The following PIK3CG variants were observed in gnomAD, a reference collection of about 807,000 sequenced individuals.
PIK3CG encodes the protein phosphatidylinositol 4,5-bisphosphate 3-kinase catalytic subunit gamma isoform.
PIK3CG carries 55 observed loss-of-function variants against 102.3 expected under a neutral mutation model. The observed-to-expected ratio is 0.54, with a 90% CI of 0.43 to 0.67. The LOEUF (loss-of-function observed/expected upper bound fraction) is 0.67, where lower values mean the gene tolerates loss of function less well. Ranked by LOEUF, PIK3CG falls within the 30% of genes least tolerant of loss-of-function variation. PIK3CG has a pLI of 0.00. For synonymous variants in PIK3CG, 552 were observed against 540.0 expected, an observed-to-expected ratio of 1.02 and a Z score of -0.31; for missense variants, 1,258 against 1,391.8, an observed-to-expected ratio of 0.90 and a Z score of 1.53.
intron 6 of PIK3CG, among the ~76,000 whole-genome samples, chr7:106,881,584 C>T (rs1361727095): frequency 1.3e-5 from 2 of 152,094 alleles, no homozygotes; most frequent in African/African-American, 2.4e-5. Context: ...TGGTGGCTCA[C>T]GCCTGTAATC....
intron 2 of PIK3CG, among the ~76,000 whole-genome samples, chr7:106,871,275 G>C (rs1467396430): frequency 6.6e-6 from 1 of 152,176 alleles, no homozygotes; most frequent in Non-Finnish European, 1.5e-5. Flanking sequence ...CTCACATCTG[G>C]CTTAGAAACT....
In PIK3CG at chr7:106,905,258, T is replaced by C; in HGVS notation, c.3180T>C (p.Asn1060=). 6.2e-7 allele frequency: 1 copy of C among 1,613,788 alleles called. No individual in the cohort carries two copies. The highest frequency in any genetic ancestry group is 1.7e-5 in the Admixed American group (1 of 59,992). Residue 1060 remains asparagine (N), a synonymous_variant, in exon 11 of 11, where the codon AAT becomes AAC. Coordinates refer to ENST00000496166, the MANE Select transcript of PIK3CG (RefSeq NM_001282426.2). The surrounding 1 kb of genome is among the most constrained non-coding windows in gnomAD (Gnocchi z 5.6). ...GGGATGCCCTCACAGTGGGGAAAAATGAGGAGGATGCTAAAAAGTATTTTC... is the reference window on the plus strand; with the variant it reads ...GGGATGCCCTCACAGTGGGGAAAAACGAGGAGGATGCTAAAAAGTATTTTC... The part of the protein sequence containing the change: ...YIRDALTVGK[N]EEDAKKYFLD...
rs1790461898 is a variant in PIK3CG at position 106,869,617 on chromosome 7, C to A, written c.1995+61C>A. 7.5e-7 allele frequency: 1 copy of A among 1,340,654 alleles called. No individual in the cohort carries two copies. Among genetic ancestry groups the A allele is most frequent in the Non-Finnish European group, 1.0e-6 (1 of 982,004 alleles). The allele number at this position is 1,340,654 out of a possible 1,614,324, so 83.0% of individuals were successfully genotyped here. On this transcript the variant is annotated intron_variant, in intron 2 of 10. Coordinates refer to ENST00000496166, the MANE Select transcript of PIK3CG (RefSeq NM_001282426.2). This position sits in a 1 kb window ranked among gnomAD's most constrained non-coding sequence, Gnocchi z 5.3. Reference sequence around the variant, plus strand: ...CAAAAGGAATTGATTTGCATATGCACAGGCACTCCATTCAGTTGTCATCAA... The same window carrying A: ...CAAAAGGAATTGATTTGCATATGCAAAGGCACTCCATTCAGTTGTCATCAA...
intron 10 of PIK3CG, among the ~76,000 whole-genome samples, chr7:106,887,447 C>T (rs1584338493): frequency 6.6e-6 from 1 of 152,160 alleles, no homozygotes; most frequent in East Asian, 1.9e-4. Flanking sequence ...GACGACATGA[C>T]CCTTGAAGTT....
rs1240592723 is a variant in PIK3CG at position 106,899,171 on chromosome 7, G to A, written c.3031-5938G>A. On this transcript the variant is annotated intron_variant, in intron 10 of 10. Coordinates refer to ENST00000496166, the MANE Select transcript of PIK3CG (RefSeq NM_001282426.2). The surrounding 1 kb of genome is among the most constrained non-coding windows in gnomAD (Gnocchi z 4.6). ...TTCTGATTTGGCTCTTGGTTTGGCT[G>A]TTGTTGGTGTATAGGAATGCGTGAT... Among the ~76,000 whole-genome samples, 2 of 152,236 alleles carry A rather than the reference G, an allele frequency of 1.3e-5. No homozygotes were observed. The highest frequency in any genetic ancestry group is 6.5e-5 in the Admixed American group (1 of 15,298).
At chr7:106,866,679 C>A (rs1701930655) in intron 1 of PIK3CG, among the ~76,000 whole-genome samples, 1 of 152,084 alleles carries the variant, frequency 6.6e-6, no homozygotes, top group South Asian at 2.1e-4. Context: ...GAGAGTACAG[C>A]CTTGGGTGAC....
chr7:106,876,396 CT>C (rs201148654), intron 5 of PIK3CG, among the ~76,000 whole-genome samples: 106 of 142,800 alleles, frequency 7.4e-4, no homozygotes, highest in Middle Eastern at 3.6e-3. Context: ...GGGTTGCCTT[CT>C]TTTTTTTTTT....
chr7:106,884,009 A>G lies in PIK3CG; in HGVS notation c.2761-146A>G. ...AGAGCAATGAGAAAGTTGGCAATTC[A>G]TAGATATAATGCTAATGAAATCAGG... On this transcript the variant is annotated intron_variant, in intron 8 of 10. Transcript: ENST00000496166. The surrounding 1 kb of genome is among the most constrained non-coding windows in gnomAD (Gnocchi z 4.2). 1 of 624,422 alleles carries G rather than the reference A, an allele frequency of 1.6e-6. No homozygotes were observed. Among genetic ancestry groups the G allele is most frequent in the Admixed American group, 2.8e-5 (1 of 36,098 alleles). The allele number at this position is 624,422 out of a possible 1,614,324, so 38.7% of individuals were successfully genotyped here. A position where few individuals can be genotyped will look rare whatever the true frequency, so the allele number is the denominator to read the frequency against.
chr7:106,889,678 G>A (rs1193875826), intron 10 of PIK3CG, among the ~76,000 whole-genome samples: 3 of 152,198 alleles, frequency 2.0e-5, no homozygotes, highest in African/African-American at 7.2e-5. Flanking sequence ...TAAGGGTGGG[G>A]TGAGCCTGGT....
chr7:106,881,189 G>T (rs555487838), intron 6 of PIK3CG, among the ~76,000 whole-genome samples: 1 of 152,262 alleles, frequency 6.6e-6, no homozygotes, highest in African/African-American at 2.4e-5. Context: ...GCACGAGCCA[G>T]TTAATCGCCA....
In PIK3CG at chr7:106,903,416, T is replaced by G. The variant is rs1465740393; in HGVS notation, c.3031-1693T>G. 1.3e-5 allele frequency among the ~76,000 whole-genome samples: 2 copies of G among 151,978 alleles called. No homozygotes were observed. The highest frequency in any genetic ancestry group is 2.9e-5 in the Non-Finnish European group (2 of 67,968). ...TATAAGCAGTCTTGTCACTGAGGGA[T>G]GTTCAAAAACTGACTCATTGCTCTT... is the stretch of plus-strand genomic sequence containing the variant. On this transcript the variant is annotated intron_variant, in intron 10 of 10. Coordinates refer to ENST00000496166, the MANE Select transcript of PIK3CG (RefSeq NM_001282426.2). This position sits in a 1 kb window ranked among gnomAD's most constrained non-coding sequence, Gnocchi z 4.3.
rs756339122 is a variant in PIK3CG, at chr7:106,867,825, C to T, written c.264C>T (p.Tyr88=). The change falls in exon 2 of 11, where the codon TAC becomes TAT. Residue 88 remains tyrosine (Y), a synonymous_variant. Transcript: ENST00000496166. This position sits in a 1 kb window ranked among gnomAD's most constrained non-coding sequence, Gnocchi z 5.1. ...AGACCAGCGTGGCGGCGGACTTCTA[C>T]CACCGGCTGGGACCGCATCACTTCC... ...ALETSVAADF[Y]HRLGPHHFLL... is the part of the protein sequence containing the mutation. 29 of 1,612,454 alleles carry T rather than the reference C, an allele frequency of 1.8e-5. No individual in the cohort carries two copies. Among genetic ancestry groups the T allele is most frequent in the Non-Finnish European group, 2.5e-5 (29 of 1,179,966 alleles).
At position 106,869,011 on chromosome 7, in the gene PIK3CG, A is replaced by T. The variant is rs2116455583; in HGVS notation, c.1450A>T (p.Met484Leu). 1 of 1,614,206 alleles carries T rather than the reference A, an allele frequency of 6.2e-7. No individual in the cohort carries two copies. Among genetic ancestry groups the T allele is most frequent in the East Asian group, 2.2e-5 (1 of 44,878 alleles). ...GCGCCGTGGAGAATACGTCCTCCAC[A>T]TGTGGCAGATATCTGGGAAGGGAGA... ...LLRRGEYVLH[M>L]WQISGKGEDQ... The change falls in exon 2 of 11, where the codon ATG becomes TTG. Residue 484 changes from methionine to leucine, a missense_variant. Transcript: ENST00000496166. This position sits in a 1 kb window ranked among gnomAD's most constrained non-coding sequence, Gnocchi z 5.3.
At chr7:106,881,455 T>C (rs1280743171) in intron 6 of PIK3CG, among the ~76,000 whole-genome samples, 2 of 152,168 alleles carry the variant, frequency 1.3e-5, no homozygotes, top group African/African-American at 4.8e-5. Context: ...CTTTGATAAA[T>C]ATGTGTAAGG....
In PIK3CG at chr7:106,884,358, T is replaced by C. The variant is rs987507268; in HGVS notation, c.2872+92T>C. On this transcript the variant is annotated intron_variant, in intron 9 of 10. Coordinates refer to ENST00000496166, the MANE Select transcript of PIK3CG (RefSeq NM_001282426.2). This position sits in a 1 kb window ranked among gnomAD's most constrained non-coding sequence, Gnocchi z 4.2. ...TTTAACTCTAATTAACTGTAAGTGT[T>C]CAGTTCAGTGGCATTACATATGTTC... 2 of 822,086 alleles carry C rather than the reference T, an allele frequency of 2.4e-6. No individual in the cohort carries two copies. The highest frequency in any genetic ancestry group is 2.0e-5 in the Admixed American group (1 of 49,672). The allele number at this position is 822,086 out of a possible 1,614,324, so 50.9% of individuals were successfully genotyped here.
At chr7:106,885,153 T>C (rs892514162) in intron 9 of PIK3CG, among the ~76,000 whole-genome samples, 1 of 151,814 alleles carries the variant, frequency 6.6e-6, no homozygotes, top group Non-Finnish European at 1.5e-5. Context: ...GGCCCAGGGG[T>C]TGGGGACCTC....
Position 106,879,602 on chromosome 7 carries a change from T to C in PIK3CG, c.2475T>C (p.Asn825=), listed in dbSNP as rs370426735. The C allele has an allele frequency of 1.4e-5, 23 of 1,612,942 alleles. No homozygotes were observed. The African/African-American group carries it at 2.9e-4, about 21-fold the overall frequency. Residue 825 remains asparagine, a synonymous_variant, in exon 6 of 11, where the codon AAT becomes AAC. Coordinates refer to ENST00000496166, the MANE Select transcript of PIK3CG (RefSeq NM_001282426.2). This position sits in a 1 kb window ranked among gnomAD's most constrained non-coding sequence, Gnocchi z 4.9. ...FKCADPTALS[N]ETIGIIFKHG... is the part of the protein sequence containing the mutation. ...GTGCCGATCCTACAGCCCTATCAAA[T>C]GAAACAATTGGAATTATCTTTAAAC...
chr7:106,876,722 T>C (rs1464169619), intron 5 of PIK3CG, among the ~76,000 whole-genome samples: 4 of 152,096 alleles, frequency 2.6e-5, no homozygotes, highest in African/African-American at 9.7e-5. Flanking sequence ...TTATGAGAGT[T>C]ACTTATATAA....
chr7:106,891,611 T>C lies in PIK3CG; in HGVS notation c.3030+5319T>C, dbSNP rs981423224. ...AAACAAGCATTTTGGAGATGCTCTG[T>C]GCACACAGTAGGCACCAAGCAAATC... On this transcript the variant is annotated intron_variant, in intron 10 of 10. Coordinates refer to ENST00000496166, the MANE Select transcript of PIK3CG (RefSeq NM_001282426.2). This position sits in a 1 kb window ranked among gnomAD's most constrained non-coding sequence, Gnocchi z 4.4. Among the ~76,000 whole-genome samples the C allele has an allele frequency of 6.6e-6, 1 of 152,176 alleles. No individual in the cohort carries two copies. Among genetic ancestry groups the C allele is most frequent in the Non-Finnish European group, 1.5e-5 (1 of 68,042 alleles).
Sources: gnomAD v4.1 joint callset for allele counts (sites outside exome capture counted in the v4.1 genomes callset) on GRCh38, gnomAD v4.1.1 for gene constraint, Gnocchi (gnomAD v3.1) non-coding constraint, MANE v1.5 for transcripts, NCBI Gene and HGNC (gene_info 2026-07-23, HGNC 2026-07-21) for gene names.